The following TNIK variants were observed in gnomAD, a reference collection of about 807,000 sequenced individuals.
TNIK encodes TRAF2 and NCK-interacting protein kinase.
A neutral mutation model predicts 191.3 loss-of-function variants in TNIK; 49 were observed. The observed-to-expected ratio is 0.26, with a 90% confidence interval of 0.20 to 0.32. The LOEUF (loss-of-function observed/expected upper bound fraction) is 0.32. Ranked by LOEUF, TNIK falls within the 10% of genes least tolerant of loss-of-function variation. The pLI, the probability that TNIK is intolerant of heterozygous loss-of-function variation, is 1.00. For missense variants in TNIK, 1,155 were observed against 1,702.3 expected (o/e 0.68, Z 5.66); for synonymous variants, 594 against 600.9 (o/e 0.99, Z 0.17).
At chr3:171,365,494 A>G (rs896183937) in intron 2 of TNIK, among the ~76,000 whole-genome samples, 1 of 152,090 alleles carries the variant, frequency 6.6e-6, no homozygotes, top group African/African-American at 2.4e-5. Flanking sequence ...AAAGTTCTAC[A>G]TTCTTGTGAA....
intron 12 of TNIK, among the ~76,000 whole-genome samples, chr3:171,143,973 T>G (rs985538724): frequency 6.6e-6 from 1 of 151,948 alleles, no homozygotes; most frequent in African/African-American, 2.4e-5. Flanking sequence ...GCATGAAAAA[T>G]AAGGGAATAA....
chr3:171,422,562 A>T (rs1361056490), intron 1 of TNIK, among the ~76,000 whole-genome samples: 2 of 152,164 alleles, frequency 1.3e-5, no homozygotes, highest in South Asian at 4.1e-4. Flanking sequence ...TGTATTTTTT[A>T]AATATTATCA....
intron 2 of TNIK, among the ~76,000 whole-genome samples, chr3:171,287,513 A>G (rs1274304647): frequency 6.6e-6 from 1 of 152,230 alleles, no homozygotes; most frequent in Non-Finnish European, 1.5e-5. Flanking sequence ...ACTTGGAGTA[A>G]TGGCATGGAA....
chr3:171,138,122 C>T, intron 15 of TNIK, 69 bp downstream of exon 15: 1 of 1,417,354 alleles, frequency 7.1e-7, no homozygotes, highest in Non-Finnish European at 9.3e-7. Context: ...TAACTCTCCA[C>T]TTCTATCACA....
chr3:171,321,099 T>C (rs1029703933), intron 2 of TNIK, among the ~76,000 whole-genome samples: 4 of 152,170 alleles, frequency 2.6e-5, no homozygotes. Flanking sequence ...TATATAGTAA[T>C]GAACTGGAAG....
intron 1 of TNIK, among the ~76,000 whole-genome samples, chr3:171,453,514 TTG>T (rs1186603217): frequency 6.6e-6 from 1 of 151,878 alleles, no homozygotes; most frequent in African/African-American, 2.4e-5. Context: ...CCCCTCTGAA[TTG>T]CCGCTGGTCT....
At chr3:171,264,543 T>C (rs146635077) in intron 2 of TNIK, among the ~76,000 whole-genome samples, 5,209 of 151,992 alleles carry the variant, frequency 0.034, 258 homozygotes, top group African/African-American at 0.12. Context: ...TTAGTAGAGA[T>C]GGGGTTTCTC....
At chr3:171,306,632 A>G (rs1045570407) in intron 2 of TNIK, among the ~76,000 whole-genome samples, 4 of 152,160 alleles carry the variant, frequency 2.6e-5, no homozygotes, top group Non-Finnish European at 5.9e-5. Context: ...AAACGTTTGG[A>G]TTCCTTTTGA....
In TNIK at chr3:171,331,804, A is replaced by C. The variant is rs547435595; in HGVS notation, c.123+37816T>G. ...TCTAAGTCACACGGGCCTTTTTGAT[A>C]ATGTAATTTTTTTCTTTGAACGCCT... On this transcript the variant is annotated intron_variant, in intron 2 of 32. Coordinates refer to ENST00000436636, the MANE Select transcript of TNIK (RefSeq NM_015028.4). Among the ~76,000 whole-genome samples the C allele has an allele frequency of 2.0e-5, 3 of 152,300 alleles. No individual in the cohort carries two copies. The East Asian group carries it at 5.8e-4, about 29-fold the overall frequency.
At chr3:171,086,929 A>G (rs945871923) in intron 24 of TNIK, among the ~76,000 whole-genome samples, 25 of 152,364 alleles carry the variant, frequency 1.6e-4, no homozygotes, top group African/African-American at 5.8e-4. Context: ...AATCATTTAA[A>G]CTTCATTTTA....
chr3:171,408,359 A>G (rs1721971185), intron 1 of TNIK, among the ~76,000 whole-genome samples: 1 of 152,310 alleles, frequency 6.6e-6, no homozygotes, highest in East Asian at 1.9e-4. Flanking sequence ...TAGGAAATGA[A>G]AGATACCGGT....
chr3:171,314,998 A>T (rs1754447963), intron 2 of TNIK, among the ~76,000 whole-genome samples: 2 of 152,190 alleles, frequency 1.3e-5, no homozygotes, highest in African/African-American at 4.8e-5. Flanking sequence ...TATAAAATGC[A>T]ACACAAGATC....
intron 2 of TNIK, among the ~76,000 whole-genome samples, chr3:171,292,837 T>C (rs968572287): frequency 6.6e-6 from 1 of 150,942 alleles, no homozygotes; most frequent in African/African-American, 2.4e-5. Context: ...CTCACAATCT[T>C]GGGCTCTCCT....
intron 1 of TNIK, among the ~76,000 whole-genome samples, chr3:171,386,497 T>C (rs914992561): frequency 1.4e-4 from 21 of 152,182 alleles, no homozygotes; most frequent in Admixed American, 1.2e-3. Flanking sequence ...CCAGAATCTC[T>C]AGGGTTTCCA....
At chr3:171,084,075 C>T in intron 26 of TNIK, 80 bp downstream of exon 26, 1 of 1,429,238 alleles carries the variant, frequency 7.0e-7, no homozygotes, top group Non-Finnish European at 9.2e-7. Flanking sequence ...ATGACAAGAT[C>T]CACAGGCTTT....
intron 1 of TNIK, among the ~76,000 whole-genome samples, chr3:171,371,303 A>G (rs775926347): frequency 6.6e-6 from 1 of 152,256 alleles, no homozygotes; most frequent in Non-Finnish European, 1.5e-5. Flanking sequence ...AGGATGCTTT[A>G]AAGTCCAATC....
At chr3:171,165,823 C>T (rs1734547397) in intron 10 of TNIK, among the ~76,000 whole-genome samples, 1 of 152,186 alleles carries the variant, frequency 6.6e-6, no homozygotes, top group African/African-American at 2.4e-5. Flanking sequence ...CACTGCTATC[C>T]TCCCAGCAGC....
intron 9 of TNIK, among the ~76,000 whole-genome samples, chr3:171,170,504 ATTACT>A (rs1449545058): frequency 6.6e-6 from 1 of 152,186 alleles, no homozygotes; most frequent in African/African-American, 2.4e-5. Flanking sequence ...ACTTGGACAA[ATTACT>A]TAACTTCTAT....
At chr3:171,303,250 C>T (rs1383498936) in intron 2 of TNIK, among the ~76,000 whole-genome samples, 1 of 152,144 alleles carries the variant, frequency 6.6e-6, no homozygotes, top group Non-Finnish European at 1.5e-5. Context: ...AAGTTGGAGA[C>T]AGTCAGCCCT....
Sources: gnomAD v4.1 joint callset for allele counts (sites outside exome capture counted in the v4.1 genomes callset) on GRCh38, gnomAD v4.1.1 for gene constraint, MANE v1.5 for transcripts, NCBI Gene and HGNC (gene_info 2026-07-23, HGNC 2026-07-21) for gene names.